Variants in NFIB observed in about 807,000 individuals in gnomAD.
NFIB encodes the protein nuclear factor 1 B-type.
Under a neutral mutation model 61.5 loss-of-function variants are expected in NFIB, and 11 were observed. The observed-to-expected ratio is 0.18, with a 90% confidence interval of 0.11 to 0.30. The LOEUF is 0.30. NFIB is among the 10% of genes least tolerant of loss of function. The pLI, the probability that NFIB is intolerant of heterozygous loss-of-function variation, is 1.00. For missense variants in NFIB, 471 were observed against 608.9 expected (o/e 0.77, Z 2.38); for synonymous variants, 260 against 216.5 (o/e 1.20, Z -1.76).
the NFIB span, among the ~76,000 whole-genome samples, chr9:14,464,170 A>G: frequency 6.6e-6 from 1 of 152,240 alleles, no homozygotes; most frequent in Non-Finnish European, 1.5e-5. Flanking sequence ...TTGAAGATAG[A>G]GAGACCAGGA....
the NFIB span, among the ~76,000 whole-genome samples, chr9:14,422,648 G>A: frequency 2.0e-5 from 3 of 152,300 alleles, no homozygotes; most frequent in African/African-American, 7.2e-5. Context: ...ACACTCCAAG[G>A]AAGGATTCAG....
chr9:14,456,101 G>C, the NFIB span, among the ~76,000 whole-genome samples: 1 of 151,934 alleles, frequency 6.6e-6, no homozygotes, highest in Non-Finnish European at 1.5e-5. Context: ...TACTAGATTC[G>C]ATCATAATAC....
chr9:14,446,359 T>A, the NFIB span, among the ~76,000 whole-genome samples: 1 of 152,226 alleles, frequency 6.6e-6, no homozygotes, highest in Non-Finnish European at 1.5e-5. Flanking sequence ...CTTATCCTTC[T>A]GGGATTCCAG....
chr9:14,100,382 T>A (rs951159677), intron 10 of NFIB, among the ~76,000 whole-genome samples: 5 of 152,298 alleles, frequency 3.3e-5, no homozygotes, highest in African/African-American at 4.8e-5. Context: ...CCCACTCATC[T>A]TCTCTTTCCA....
At chr9:14,483,640 T>C in the NFIB span, among the ~76,000 whole-genome samples, 2 of 152,164 alleles carry the variant, frequency 1.3e-5, no homozygotes, top group Non-Finnish European at 2.9e-5. Context: ...TTAAAGGAAA[T>C]TCTTAGCGCA....
At chr9:14,235,249 T>A (rs1372550467) in intron 2 of NFIB, among the ~76,000 whole-genome samples, 1 of 152,208 alleles carries the variant, frequency 6.6e-6, no homozygotes, top group African/African-American at 2.4e-5. Context: ...GGCGATCTGA[T>A]GTTCAAAGGA....
intron 1 of NFIB, among the ~76,000 whole-genome samples, chr9:14,378,658 A>G (rs949333966): frequency 4.6e-5 from 7 of 152,158 alleles, no homozygotes; most frequent in Admixed American, 2.0e-4. Context: ...CCCAGCCCCA[A>G]TTACTTTATT....
At chr9:14,525,246 A>C in the NFIB span, among the ~76,000 whole-genome samples, 3 of 152,224 alleles carry the variant, frequency 2.0e-5, no homozygotes, top group Non-Finnish European at 4.4e-5. Context: ...TAAAGCAGGC[A>C]ATGGTCAAAC....
At chr9:14,454,534 C>G in the NFIB span, among the ~76,000 whole-genome samples, 1 of 152,124 alleles carries the variant, frequency 6.6e-6, no homozygotes, top group African/African-American at 2.4e-5. Context: ...ACTATGTTGC[C>G]TTACCTATTT....
chr9:14,142,275 T>A (rs541650549), intron 6 of NFIB, among the ~76,000 whole-genome samples: 1 of 152,150 alleles, frequency 6.6e-6, no homozygotes, highest in South Asian at 2.1e-4. Flanking sequence ...AGTGAATGAG[T>A]CTCACAAGAT....
In NFIB at chr9:14,280,671, G is replaced by A. The variant is rs551597701; in HGVS notation, c.562+26318C>T. The stretch of plus-strand genomic sequence containing the variant: ...TTCCACAGGAGACAACGTTAGGCAA[G>A]GGGGGACTCAGGATGACAGCTCAGT... On this transcript the variant is annotated intron_variant, in intron 2 of 10. Transcript: ENST00000380953. Among the ~76,000 whole-genome samples the A allele has an allele frequency of 4.6e-5, 7 of 152,268 alleles. No individual in the cohort carries two copies. In the East Asian group the frequency reaches 1.4e-3, roughly 29 times the overall value.
At chr9:14,368,504 T>G (rs2061326569) in intron 1 of NFIB, among the ~76,000 whole-genome samples, 1 of 152,216 alleles carries the variant, frequency 6.6e-6, no homozygotes, top group Non-Finnish European at 1.5e-5. Flanking sequence ...GGCAGACTGG[T>G]TACGGTGCAA....
chr9:14,352,003 G>A (rs569460931), intron 1 of NFIB, among the ~76,000 whole-genome samples: 37 of 152,208 alleles, frequency 2.4e-4, no homozygotes, highest in Admixed American at 2.2e-3. Context: ...CAGTTCTGAC[G>A]GAAGTATATA....
intron 2 of NFIB, among the ~76,000 whole-genome samples, chr9:14,266,073 T>A (rs1338641804): frequency 1.3e-5 from 2 of 152,042 alleles, no homozygotes; most frequent in Non-Finnish European, 2.9e-5. Flanking sequence ...AAGATGTGGG[T>A]TCCTCTCCCG....
In NFIB at chr9:14,313,639, G is replaced by A. The variant is rs775656059; in HGVS notation, c.-128C>T. 3.6e-5 allele frequency: 56 copies of A among 1,553,186 alleles called. No individual in the cohort carries two copies. Among genetic ancestry groups the A allele is most frequent in the African/African-American group, 5.5e-5 (4 of 73,064 alleles). On this transcript the variant is annotated 5_prime_UTR_variant, in exon 1 of 11. Coordinates refer to ENST00000380953, the MANE Select transcript of NFIB (RefSeq NM_001190737.2). The surrounding 1 kb of genome is among the most constrained non-coding windows in gnomAD (Gnocchi z 4.5). Reference sequence around the variant, plus strand: ...ATCAATCAGGACGGGGCTCTGCGCTGGATCACCGCAACTTCACAACAAACC... The same window carrying A: ...ATCAATCAGGACGGGGCTCTGCGCTAGATCACCGCAACTTCACAACAAACC...
the NFIB span, among the ~76,000 whole-genome samples, chr9:14,456,972 T>C: frequency 6.6e-6 from 1 of 152,160 alleles, no homozygotes; most frequent in East Asian, 1.9e-4. Context: ...TAAATTATAG[T>C]ACAGGTCCAT....
chr9:14,283,815 C>T (rs2058536981), intron 2 of NFIB, among the ~76,000 whole-genome samples: 1 of 152,160 alleles, frequency 6.6e-6, no homozygotes, highest in African/African-American at 2.4e-5. Context: ...AACAGATGCA[C>T]ATCTAAGCAA....
intron 1 of NFIB, among the ~76,000 whole-genome samples, chr9:14,345,232 G>A (rs2061004860): frequency 6.6e-6 from 1 of 152,160 alleles, no homozygotes; most frequent in South Asian, 2.1e-4. Flanking sequence ...TTAACTTTTT[G>A]TTCCCACGGA....
At chr9:14,203,577 TC>T (rs147389514) in intron 2 of NFIB, among the ~76,000 whole-genome samples, 4,471 of 152,302 alleles carry the variant, frequency 0.029, 219 homozygotes, top group African/African-American at 0.099. Context: ...CCAGGAGCTC[TC>T]CGCGCGGGCA....
Sources: gnomAD v4.1 joint callset for allele counts (sites outside exome capture counted in the v4.1 genomes callset) on GRCh38, gnomAD v4.1.1 for gene constraint, Gnocchi (gnomAD v3.1) non-coding constraint, MANE v1.5 for transcripts, NCBI Gene and HGNC (gene_info 2026-07-23, HGNC 2026-07-21) for gene names.